The following BMP5 variants were observed in gnomAD, a reference collection of about 807,000 sequenced individuals.
The protein encoded by BMP5 is bone morphogenetic protein 5.
BMP5 carries 23 observed loss-of-function variants against 46.6 expected under a neutral mutation model. The observed-to-expected ratio is 0.49, with a 90% CI of 0.35 to 0.70. The LOEUF is 0.70. Ranked by LOEUF, BMP5 falls within the 30% of genes least tolerant of loss-of-function variation. The pLI, the probability that BMP5 is intolerant of heterozygous loss-of-function variation, is 0.00. For synonymous variants in BMP5, 204 were observed against 191.9 expected (o/e 1.06, Z -0.52); for missense variants, 545 against 565.6 (o/e 0.96, Z 0.37).
chr6:55,867,836 A>G (rs894687132), intron 1 of BMP5, among the ~76,000 whole-genome samples: 3 of 152,206 alleles, frequency 2.0e-5, no homozygotes, highest in Non-Finnish European at 4.4e-5. Flanking sequence ...CGCACAAATA[A>G]TTTAAATAAC....
intron 1 of BMP5, among the ~76,000 whole-genome samples, chr6:55,841,608 T>G: frequency 6.6e-6 from 1 of 151,662 alleles, no homozygotes; most frequent in African/African-American, 2.4e-5. Context: ...TGGTGTTTGT[T>G]TGTTTGTTTG....
chr6:55,849,307 G>C (rs910829021), intron 1 of BMP5, among the ~76,000 whole-genome samples: 1 of 151,948 alleles, frequency 6.6e-6, no homozygotes, highest in African/African-American at 2.4e-5. Flanking sequence ...GCTGATAAAG[G>C]TCTTCTTATG....
chr6:55,797,300 T>C (rs1775738769), intron 2 of BMP5, among the ~76,000 whole-genome samples: 1 of 152,340 alleles, frequency 6.6e-6, no homozygotes, highest in East Asian at 1.9e-4. Context: ...GTATTTCCCA[T>C]GAACAGTATA....
At chr6:55,778,811 G>A (rs918751764) in intron 3 of BMP5, among the ~76,000 whole-genome samples, 6 of 151,968 alleles carry the variant, frequency 3.9e-5, no homozygotes, top group Admixed American at 6.6e-5. Flanking sequence ...AGGCTGGAGC[G>A]CTGAACTACT....
chr6:55,771,508 T>C (rs1000931390), intron 4 of BMP5, among the ~76,000 whole-genome samples: 1 of 151,922 alleles, frequency 6.6e-6, no homozygotes, highest in Non-Finnish European at 1.5e-5. Flanking sequence ...AGTTAGTTTT[T>C]CCTATGCTGT....
At chr6:55,768,856 G>A (rs571090490) in intron 4 of BMP5, among the ~76,000 whole-genome samples, 7 of 152,006 alleles carry the variant, frequency 4.6e-5, no homozygotes, top group Admixed American at 6.6e-5. Flanking sequence ...TGAAGTGAAC[G>A]TCACAATAAA....
At chr6:55,830,485 G>A (rs1322982279) in intron 1 of BMP5, among the ~76,000 whole-genome samples, 1 of 152,062 alleles carries the variant, frequency 6.6e-6, no homozygotes, top group Non-Finnish European at 1.5e-5. Flanking sequence ...CTGGTTTTGA[G>A]TTCAAATATA....
intron 3 of BMP5, among the ~76,000 whole-genome samples, chr6:55,776,813 CA>C (rs1170585960): frequency 6.6e-6 from 1 of 151,786 alleles, no homozygotes; most frequent in African/African-American, 2.4e-5. Context: ...TTTGGGTTGC[CA>C]GGGGGTTTCT....
chr6:55,832,011 A>G (rs559878553), intron 1 of BMP5, among the ~76,000 whole-genome samples: 11 of 152,302 alleles, frequency 7.2e-5, no homozygotes, highest in Non-Finnish European at 1.6e-4. Context: ...TGCTCCAAGT[A>G]TAGGAGGCAA....
At position 55,819,784 on chromosome 6, in the gene BMP5, G is replaced by A. The variant is rs1311017147; in HGVS notation, c.554C>T (p.Thr185Ile). 3.1e-6 allele frequency: 5 copies of A among 1,613,714 alleles called. No homozygotes were observed. The South Asian group carries it at 4.4e-5, about 14-fold the overall frequency. The change falls in exon 2 of 7, where the codon ACC (threonine) becomes ATC (isoleucine). Residue 185 changes from threonine to isoleucine, a missense_variant. Thr to Ile is a moderately conservative substitution (Grantham distance 89). Coordinates refer to ENST00000370830, the MANE Select transcript of BMP5 (RefSeq NM_021073.4). ...RHYKEFRFDL[T>I]QIPHGEAVTA... is the part of the protein sequence containing the mutation. ...CACTGCCTCTCCATGAGGAATTTGG[G>A]TAAGATCAAATCGAAATTCTTTGTA...
At position 55,794,695 on chromosome 6, in the gene BMP5, T is replaced by C. The variant is rs561706317; in HGVS notation, c.684-268A>G. 1.4e-4 allele frequency among the ~76,000 whole-genome samples: 22 copies of C among 152,258 alleles called. No individual in the cohort carries two copies. In the East Asian group the frequency reaches 3.9e-3, roughly 27 times the overall value. On this transcript the variant is annotated intron_variant, in intron 2 of 6. Transcript: ENST00000370830. Reference sequence around the variant, plus strand: ...CATTGGCCTTTATAAACTGACTTAGTGCTCTTAATTTGATCCCTGGTCATC... The same window carrying C: ...CATTGGCCTTTATAAACTGACTTAGCGCTCTTAATTTGATCCCTGGTCATC...
intron 3 of BMP5, among the ~76,000 whole-genome samples, chr6:55,780,631 A>G (rs1775294295): frequency 6.6e-6 from 1 of 151,958 alleles, no homozygotes; most frequent in African/African-American, 2.4e-5. Flanking sequence ...CTTTCTAAAA[A>G]TTTTGCAGAA....
At chr6:55,797,798 A>G (rs1562042833) in intron 2 of BMP5, among the ~76,000 whole-genome samples, 1 of 151,628 alleles carries the variant, frequency 6.6e-6, no homozygotes, top group Non-Finnish European at 1.5e-5. Flanking sequence ...TTATATTTTT[A>G]GTAGAGACGG....
At chr6:55,845,657 A>T (rs1187669587) in intron 1 of BMP5, among the ~76,000 whole-genome samples, 1 of 152,000 alleles carries the variant, frequency 6.6e-6, no homozygotes, top group Non-Finnish European at 1.5e-5. Context: ...GAAGCCTTTG[A>T]AGGAAACACA....
At chr6:55,803,018 G>C (rs1487226021) in intron 2 of BMP5, among the ~76,000 whole-genome samples, 1 of 151,902 alleles carries the variant, frequency 6.6e-6, no homozygotes, top group Non-Finnish European at 1.5e-5. Flanking sequence ...CGGGTGCGGT[G>C]GCTCATGCCT....
chr6:55,868,780 G>T (rs16887316), intron 1 of BMP5, among the ~76,000 whole-genome samples: 1 of 152,150 alleles, frequency 6.6e-6, no homozygotes, highest in South Asian at 2.1e-4. Flanking sequence ...GACTTTGTGA[G>T]CTGAATCTTA....
chr6:55,819,629 T>C (rs763599066), intron 2 of BMP5, 26 bp downstream of exon 2: 1 of 1,557,332 alleles, frequency 6.4e-7, no homozygotes, highest in East Asian at 2.3e-5. Flanking sequence ...TTTGCCAGGA[T>C]AATAAGTTAA....
intron 4 of BMP5, among the ~76,000 whole-genome samples, chr6:55,765,748 TA>T (rs1774902334): frequency 6.6e-6 from 1 of 152,208 alleles, no homozygotes; most frequent in Non-Finnish European, 1.5e-5. Flanking sequence ...TTTGTAGATA[TA>T]TTAACACAAT....
intron 3 of BMP5, among the ~76,000 whole-genome samples, chr6:55,783,311 C>T (rs1775370337): frequency 6.6e-6 from 1 of 151,854 alleles, no homozygotes; most frequent in South Asian, 2.1e-4. Flanking sequence ...TAGTCTAATC[C>T]AAATTTTGAT....
Sources: gnomAD v4.1 joint callset for allele counts (sites outside exome capture counted in the v4.1 genomes callset) on GRCh38, gnomAD v4.1.1 for gene constraint, MANE v1.5 for transcripts, NCBI Gene and HGNC (gene_info 2026-07-23, HGNC 2026-07-21) for gene names.